The following MALRD1 variants were observed in gnomAD, a reference collection of about 807,000 sequenced individuals.
MALRD1 encodes the protein MAM and LDL-receptor class A domain-containing protein 1.
MALRD1 carries 247 observed loss-of-function variants against 242.1 expected under a neutral mutation model. The ratio of observed to expected loss-of-function variants is 1.02; its 90% CI spans 0.92 to 1.13. The LOEUF (loss-of-function observed/expected upper bound fraction) is 1.13. Ranked by LOEUF, MALRD1 falls within the 50% of genes most tolerant of loss-of-function variation. MALRD1 has a pLI of 0.00. For synonymous variants in MALRD1, 995 were observed against 866.6 expected (o/e 1.15, Z -2.60); for missense variants, 2,989 against 2,533.1 (o/e 1.18, Z -3.86).
At chr10:19,305,700 G>A (rs1476720833) in intron 21 of MALRD1, among the ~76,000 whole-genome samples, 2 of 148,404 alleles carry the variant, frequency 1.3e-5, no homozygotes, top group South Asian at 2.1e-4. Context: ...GATATTATCT[G>A]TCCTCAGCAT....
At chr10:19,656,916 TATCG>T (rs1271326765) in intron 36 of MALRD1, among the ~76,000 whole-genome samples, 1 of 152,210 alleles carries the variant, frequency 6.6e-6, no homozygotes, top group Non-Finnish European at 1.5e-5. Context: ...GTGAGCTATC[TATCG>T]ATCTGGTTTG....
At chr10:19,269,012 A>C (rs1840083380) in intron 19 of MALRD1, among the ~76,000 whole-genome samples, 1 of 152,162 alleles carries the variant, frequency 6.6e-6, no homozygotes, top group African/African-American at 2.4e-5. Flanking sequence ...AGTGAGTGCA[A>C]ACTTCAGTCA....
intron 18 of MALRD1, among the ~76,000 whole-genome samples, chr10:19,222,236 T>C (rs1303403958): frequency 1.3e-5 from 2 of 152,066 alleles, no homozygotes; most frequent in South Asian, 2.1e-4. Context: ...TTTCTGCTCA[T>C]AGATACTGCC....
intron 21 of MALRD1, among the ~76,000 whole-genome samples, chr10:19,321,289 T>C (rs912858234): frequency 2.0e-5 from 3 of 152,146 alleles, no homozygotes; most frequent in Non-Finnish European, 4.4e-5. Flanking sequence ...TGGGAATGTG[T>C]TGGGATTTCA....
At position 19,552,138 on chromosome 10, in the gene MALRD1, A is replaced by G. The variant is rs777604849; in HGVS notation, c.5479-15364A>G. Among the ~76,000 whole-genome samples, 10 of 152,042 alleles carry G rather than the reference A, an allele frequency of 6.6e-5. No individual in the cohort carries two copies. In the South Asian group the frequency reaches 8.3e-4, roughly 13 times the overall value. Reference sequence around the variant, plus strand: ...GTTAGAGAGGAGTCCCTCCTTTTCAATTTTTTTGTATAGTTTCTCTAGGAA... The same window carrying G: ...GTTAGAGAGGAGTCCCTCCTTTTCAGTTTTTTTGTATAGTTTCTCTAGGAA... On this transcript the variant is annotated intron_variant, in intron 32 of 39. Transcript: ENST00000454679.
chr10:19,297,673 A>G (rs1000254369), intron 21 of MALRD1, among the ~76,000 whole-genome samples: 1 of 151,952 alleles, frequency 6.6e-6, no homozygotes, highest in Admixed American at 6.6e-5. Flanking sequence ...GCTATTTTGC[A>G]TACAAGATAT....
chr10:19,464,429 G>A (rs546290740), intron 29 of MALRD1, among the ~76,000 whole-genome samples: 101 of 152,230 alleles, frequency 6.6e-4, no homozygotes, highest in African/African-American at 2.3e-3. Context: ...CCTACATGTG[G>A]CTTGCCAATT....
At chr10:19,476,099 A>T (rs1312708947) in intron 29 of MALRD1, among the ~76,000 whole-genome samples, 2 of 152,104 alleles carry the variant, frequency 1.3e-5, no homozygotes, top group Non-Finnish European at 1.5e-5. Flanking sequence ...TTTGCCAAAG[A>T]TTGGGGGATG....
chr10:19,229,376 C>G (rs949709714), intron 18 of MALRD1, among the ~76,000 whole-genome samples: 2 of 151,950 alleles, frequency 1.3e-5, no homozygotes, highest in Non-Finnish European at 2.9e-5. Context: ...TTGCTTGTGT[C>G]CCACCAATAT....
chr10:19,718,487 C>T (rs1004005149), intron 38 of MALRD1, among the ~76,000 whole-genome samples: 15 of 152,178 alleles, frequency 9.9e-5, no homozygotes, highest in Non-Finnish European at 1.5e-4. Context: ...ATGAACTCAA[C>T]GCAAGAACTC....
At position 19,581,173 on chromosome 10, in the gene MALRD1, A is replaced by G. The variant is rs555592544; in HGVS notation, c.5680+13470A>G. 5.3e-5 allele frequency among the ~76,000 whole-genome samples: 8 copies of G among 151,800 alleles called. No individual in the cohort carries two copies. The South Asian group carries it at 1.7e-3, about 32-fold the overall frequency. On this transcript the variant is annotated intron_variant, in intron 33 of 39. Coordinates refer to ENST00000454679, the MANE Select transcript of MALRD1 (RefSeq NM_001142308.3). ...TACTTATAATTGCAGCTACTAAATT[A>G]TAAGTTTCCTCCCTCATAGTTTTCT...
In MALRD1 at chr10:19,155,012, G is replaced by T. The variant is rs1447929572; in HGVS notation, c.1559-63G>T. ...GCATGTGCAAGGATAAGATTGTGGA[G>T]CAAAGAACAGCTAAGTGTGTAAGAG... On this transcript the variant is annotated intron_variant, in intron 11 of 39. Transcript: ENST00000454679. 10 of 909,432 alleles carry T rather than the reference G, an allele frequency of 1.1e-5. No homozygotes were observed. In the Admixed American group the frequency reaches 4.3e-4, roughly 39 times the overall value. 56.3% of individuals were successfully genotyped at this position (909,432 alleles called of 1,614,324 possible).
intron 38 of MALRD1, among the ~76,000 whole-genome samples, chr10:19,698,735 G>C (rs896362642): frequency 6.6e-6 from 1 of 152,176 alleles, no homozygotes; most frequent in East Asian, 1.9e-4. Flanking sequence ...TCAGAGTAGA[G>C]AGTAAAGAAA....
chr10:19,166,453 G>A (rs1834690178), intron 13 of MALRD1, among the ~76,000 whole-genome samples: 1 of 152,090 alleles, frequency 6.6e-6, no homozygotes, highest in South Asian at 2.1e-4. Flanking sequence ...TAGGAAGGGA[G>A]TTTTGTTAAT....
Position 19,595,211 on chromosome 10 carries a change from C to T in MALRD1, c.5698C>T (p.Pro1900Ser), listed in dbSNP as rs1254184316. ...CVTGGPVPVQ[P>S]SPCEADQFSC... ...TTTTTTAGGTCCTGTCCCAGTGCAGCCATCACCCTGTGAAGCTGATCAGTT... is the reference window on the plus strand; with the variant it reads ...TTTTTTAGGTCCTGTCCCAGTGCAGTCATCACCCTGTGAAGCTGATCAGTT... The change falls in exon 34 of 40, where the codon CCA becomes TCA. Residue 1900 changes from proline to serine, a missense_variant. Physicochemically the swap from Pro to Ser is moderately conservative, Grantham distance 74. Transcript: ENST00000454679. 2 of 1,549,936 alleles carry T rather than the reference C, an allele frequency of 1.3e-6. No homozygotes were observed. The highest frequency in any genetic ancestry group is 2.4e-5 in the East Asian group (1 of 40,900).
intron 36 of MALRD1, among the ~76,000 whole-genome samples, chr10:19,689,647 C>G (rs117803284): frequency 6.6e-6 from 1 of 152,062 alleles, no homozygotes; most frequent in Non-Finnish European, 1.5e-5. Flanking sequence ...TCTTATACAA[C>G]GATATGAAAA....
At chr10:19,451,683 C>G (rs575605869) in intron 29 of MALRD1, among the ~76,000 whole-genome samples, 39 of 152,248 alleles carry the variant, frequency 2.6e-4, no homozygotes, top group African/African-American at 8.9e-4. Flanking sequence ...TGAGGCAGTT[C>G]AAAAATGTGA....
chr10:19,098,318 A>G (rs758831516), intron 4 of MALRD1, among the ~76,000 whole-genome samples: 1 of 152,198 alleles, frequency 6.6e-6, no homozygotes, highest in Non-Finnish European at 1.5e-5. Context: ...TTAACATGCT[A>G]TTATTTACTT....
intron 25 of MALRD1, among the ~76,000 whole-genome samples, chr10:19,350,196 G>A (rs1010606657): frequency 6.6e-6 from 1 of 151,802 alleles, no homozygotes; most frequent in African/African-American, 2.4e-5. Flanking sequence ...TCTTTGTAGG[G>A]GTTGGTATAT....
Sources: gnomAD v4.1 joint callset for allele counts (sites outside exome capture counted in the v4.1 genomes callset) on GRCh38, gnomAD v4.1.1 for gene constraint, MANE v1.5 for transcripts, NCBI Gene and HGNC (gene_info 2026-07-23, HGNC 2026-07-21) for gene names.